SLC39A11: variants seen among roughly 807,000 people sequenced by gnomAD.
SLC39A11 encodes solute carrier family 39 member 11, also known as zinc transporter ZIP11.
Under a neutral mutation model 36.1 loss-of-function variants are expected in SLC39A11, and 33 were observed. That is an observed-to-expected ratio of 0.91 (90% CI 0.69 to 1.22). SLC39A11 has a LOEUF of 1.22. Ranked by LOEUF, SLC39A11 falls within the 50% of genes most tolerant of loss-of-function variation. The pLI, the probability that SLC39A11 is intolerant of heterozygous loss-of-function variation, is 0.00. For synonymous variants in SLC39A11, 166 were observed against 170.3 expected, an observed-to-expected ratio of 0.97 and a Z score of 0.20; for missense variants, 432 against 430.3, an observed-to-expected ratio of 1.00 and a Z score of -0.03.
In SLC39A11 at chr17:73,088,035, T is replaced by C. The variant is rs528789596; in HGVS notation, c.108+622A>G. 2.1e-4 allele frequency among the ~76,000 whole-genome samples: 32 copies of C among 152,226 alleles called. No homozygotes were observed. The South Asian group carries it at 6.0e-3, about 29-fold the overall frequency. ...AAATTACATGGCAGGCCAGGCACGGTGGCTCACACCTGCAATCCCAGCACT... is the reference window on the plus strand; with the variant it reads ...AAATTACATGGCAGGCCAGGCACGGCGGCTCACACCTGCAATCCCAGCACT... On this transcript the variant is annotated intron_variant, in intron 2 of 9. Coordinates refer to ENST00000255559, the MANE Select transcript of SLC39A11 (RefSeq NM_139177.4).
chr17:72,800,513 G>A (rs1184731745), intron 6 of SLC39A11, among the ~76,000 whole-genome samples: 10 of 152,000 alleles, frequency 6.6e-5, no homozygotes, highest in Admixed American at 3.9e-4. Flanking sequence ...GTTTCGCCAC[G>A]TTGGCCAGGC....
chr17:72,917,147 TAACA>T (rs565936282), intron 5 of SLC39A11, among the ~76,000 whole-genome samples: 149 of 152,344 alleles, frequency 9.8e-4, no homozygotes, highest in South Asian at 9.5e-3. Context: ...TGCCAGTTCA[TAACA>T]AACACAGCTG....
intron 1 of SLC39A11, among the ~76,000 whole-genome samples, chr17:73,088,980 G>T (rs554601037): frequency 1.3e-5 from 2 of 152,144 alleles, no homozygotes; most frequent in African/African-American, 4.8e-5. Context: ...ACTGGAAATC[G>T]TCTTAATCTG....
chr17:73,023,388 C>T (rs879451820), intron 4 of SLC39A11, among the ~76,000 whole-genome samples: 5 of 152,174 alleles, frequency 3.3e-5, no homozygotes, highest in Non-Finnish European at 7.3e-5. Flanking sequence ...ATGGTTAATG[C>T]CTGTAATCCC....
At chr17:72,894,045 A>G (rs1260446196) in intron 5 of SLC39A11, among the ~76,000 whole-genome samples, 1 of 152,074 alleles carries the variant, frequency 6.6e-6, no homozygotes, top group Non-Finnish European at 1.5e-5. Flanking sequence ...ATGCAAAATA[A>G]CCAATGCTCA....
intron 3 of SLC39A11, among the ~76,000 whole-genome samples, chr17:73,082,116 T>TA (rs1462631665): frequency 0.56 from 44,317 of 79,104 alleles, 12,026 homozygotes; most frequent in Non-Finnish European, 0.63. Flanking sequence ...CTACTGAAAC[T>TA]AAAAAAAAAG....
Position 73,088,790 on chromosome 17 carries a change from C to A in SLC39A11, c.-11-15G>T. The A allele has an allele frequency of 3.2e-6, 5 of 1,564,496 alleles. No individual in the cohort carries two copies. Among genetic ancestry groups the A allele is most frequent in the Non-Finnish European group, 4.3e-6 (5 of 1,150,470 alleles). On this transcript the variant is annotated splice_polypyrimidine_tract_variant and intron_variant, in intron 1 of 9. Coordinates refer to ENST00000255559, the MANE Select transcript of SLC39A11 (RefSeq NM_139177.4). ...GCTGGATACAGCTGTGCAAGAGGAG[C>A]GAGAGGGTCAGCCACCGGTGGTCCG...
intron 5 of SLC39A11, among the ~76,000 whole-genome samples, chr17:72,921,026 T>A (rs1253948918): frequency 6.6e-6 from 1 of 152,210 alleles, no homozygotes; most frequent in African/African-American, 2.4e-5. Flanking sequence ...GAGGGGACTT[T>A]CATTTCTTGT....
intron 5 of SLC39A11, among the ~76,000 whole-genome samples, chr17:72,914,787 G>C (rs1365742950): frequency 6.6e-6 from 1 of 151,866 alleles, no homozygotes; most frequent in Non-Finnish European, 1.5e-5. Context: ...AGAATCACTT[G>C]AACTCGGGAG....
rs193292649 is a variant in SLC39A11, at chr17:72,831,516, G to A, written c.601+18118C>T. Among the ~76,000 whole-genome samples the A allele has an allele frequency of 4.6e-5, 7 of 152,276 alleles. No homozygotes were observed. In the East Asian group the frequency reaches 1.2e-3, roughly 25 times the overall value. On this transcript the variant is annotated intron_variant, in intron 6 of 9. Coordinates refer to ENST00000255559, the MANE Select transcript of SLC39A11 (RefSeq NM_139177.4). ...GTGAAGCCAGTGATATCACAACTTGGAGAAGTCATTCTTACAATCACCTAC... is the reference window on the plus strand; with the variant it reads ...GTGAAGCCAGTGATATCACAACTTGAAGAAGTCATTCTTACAATCACCTAC...
chr17:72,713,839 C>T (rs1319261624), intron 7 of SLC39A11, among the ~76,000 whole-genome samples: 1 of 152,174 alleles, frequency 6.6e-6, no homozygotes, highest in Non-Finnish European at 1.5e-5. Flanking sequence ...TTTTCAAGTG[C>T]ACTCTCGCTG....
chr17:72,967,399 A>AGAGTGTGTATGT (rs143987646), intron 4 of SLC39A11, among the ~76,000 whole-genome samples: 2 of 138,200 alleles, frequency 1.4e-5, no homozygotes, highest in African/African-American at 5.5e-5. Flanking sequence ...AGAGAGAGAG[A>AGAGTGTGTATGT]GTGTGTGTGT....
chr17:72,815,907 TA>T (rs1267453447), intron 6 of SLC39A11, among the ~76,000 whole-genome samples: 1 of 152,178 alleles, frequency 6.6e-6, no homozygotes, highest in African/African-American at 2.4e-5. Context: ...AGCAACAGAG[TA>T]AAACTGTGTC....
chr17:73,005,109 T>C (rs1240779132), intron 4 of SLC39A11, among the ~76,000 whole-genome samples: 1 of 152,164 alleles, frequency 6.6e-6, no homozygotes, highest in Admixed American at 6.6e-5. Flanking sequence ...CGATTCTCCT[T>C]TCTCAGCCTC....
intron 6 of SLC39A11, among the ~76,000 whole-genome samples, chr17:72,807,171 T>A (rs2077283472): frequency 1.3e-5 from 2 of 152,212 alleles, no homozygotes; most frequent in Admixed American, 1.3e-4. Flanking sequence ...AGGATATTCA[T>A]CATTTTCATT....
At chr17:72,773,057 T>A (rs1199088717) in intron 6 of SLC39A11, among the ~76,000 whole-genome samples, 1 of 151,940 alleles carries the variant, frequency 6.6e-6, no homozygotes, top group Non-Finnish European at 1.5e-5. Context: ...CTGCACTCTA[T>A]CTTGGGCGAC....
chr17:72,789,374 C>T lies in SLC39A11; in HGVS notation c.602-52655G>A, dbSNP rs2567521. On this transcript the variant is annotated intron_variant, in intron 6 of 9. Coordinates refer to ENST00000255559, the MANE Select transcript of SLC39A11 (RefSeq NM_139177.4). ...TGTTAACTTAGCACATGCACTGTGACGTGCTATCATGGAGAAGAACAATGG... is the reference window on the plus strand; with the variant it reads ...TGTTAACTTAGCACATGCACTGTGATGTGCTATCATGGAGAAGAACAATGG... Among the ~76,000 whole-genome samples the T allele has an allele frequency of 3.8e-3, 586 of 152,280 alleles. 5 individuals carry two copies. The highest frequency in any genetic ancestry group is 0.014 in the African/African-American group (561 of 41,546).
intron 5 of SLC39A11, among the ~76,000 whole-genome samples, chr17:72,874,392 T>C (rs982426183): frequency 6.6e-6 from 1 of 152,102 alleles, no homozygotes; most frequent in South Asian, 2.1e-4. Context: ...TTCCCTCTCA[T>C]GATTTTGTGG....
In SLC39A11 at chr17:72,698,978, C is replaced by A. The variant is rs141255975; in HGVS notation, c.671+37672G>T. 3.5e-3 allele frequency among the ~76,000 whole-genome samples: 540 copies of A among 152,178 alleles called. 4 individuals carry two copies. Among genetic ancestry groups the A allele is most frequent in the African/African-American group, 0.012 (517 of 41,502 alleles). ...CCCGAGTAGCTGGGACTACAGGCGC[C>A]CGCCACCACACCTAGATAATTTTTG... is the stretch of plus-strand genomic sequence containing the variant. On this transcript the variant is annotated intron_variant, in intron 7 of 9. Coordinates refer to ENST00000255559, the MANE Select transcript of SLC39A11 (RefSeq NM_139177.4).
Sources: allele counts gnomAD v4.1 joint callset (sites outside exome capture counted in the v4.1 genomes callset), GRCh38; gene constraint gnomAD v4.1.1; transcripts MANE v1.5; gene names NCBI Gene and HGNC (gene_info 2026-07-23, HGNC 2026-07-21).